SAE1: variants seen among roughly 807,000 people sequenced by gnomAD.
SAE1 encodes the protein SUMO-activating enzyme subunit 1.
In SAE1, 11 loss-of-function variants were observed where a neutral mutation model predicts 40.6. That is an observed-to-expected ratio of 0.27 (90% CI 0.17 to 0.45). The LOEUF (loss-of-function observed/expected upper bound fraction) is 0.45. SAE1 is among the 20% of genes least tolerant of loss of function. The pLI is 1.00. For missense variants in SAE1, 373 were observed against 427.3 expected (o/e 0.87, Z 1.12); for synonymous variants, 155 against 154.3 (o/e 1.00, Z -0.03).
At chr19:47,153,369 GAACA>G (rs1162044043) in intron 4 of SAE1, among the ~76,000 whole-genome samples, 2 of 152,168 alleles carry the variant, frequency 1.3e-5, no homozygotes, top group African/African-American at 2.4e-5. Flanking sequence ...TCCTCTGGTA[GAACA>G]AACAGACCTC....
intron 6 of SAE1, among the ~76,000 whole-genome samples, chr19:47,179,234 G>A (rs1000339981): frequency 1.3e-5 from 2 of 151,112 alleles, no homozygotes; most frequent in East Asian, 1.9e-4. Flanking sequence ...AGCCGGTCGC[G>A]ATGGCTCACG....
chr19:47,163,027 A>G (rs2058368590), intron 5 of SAE1, among the ~76,000 whole-genome samples: 2 of 152,140 alleles, frequency 1.3e-5, no homozygotes, highest in South Asian at 4.1e-4. Flanking sequence ...ATAAGTTCAT[A>G]ATTCCAAATG....
Position 47,130,955 on chromosome 19 carries a change from G to A in SAE1, c.25G>A (p.Gly9Ser), listed in dbSNP as rs2058137501. 1 of 1,550,026 alleles carries A rather than the reference G, an allele frequency of 6.5e-7. No homozygotes were observed. Among genetic ancestry groups the A allele is most frequent in the Non-Finnish European group, 8.7e-7 (1 of 1,146,536 alleles). ...CATGGTGGAGAAGGAGGAGGCTGGCGGCGGCATTAGCGAGGAGGAGGCGGC... is the reference window on the plus strand; with the variant it reads ...CATGGTGGAGAAGGAGGAGGCTGGCAGCGGCATTAGCGAGGAGGAGGCGGC... Reference protein sequence around the residue: MVEKEEAGGGISEEEAAQY... With the variant: MVEKEEAGSGISEEEAAQY... The change falls in exon 1 of 9, where the codon GGC becomes AGC. Residue 9 changes from glycine to serine, a missense_variant. Gly to Ser is a moderately conservative substitution (Grantham distance 56, BLOSUM62 0). Coordinates refer to ENST00000270225, the MANE Select transcript of SAE1 (RefSeq NM_005500.3).
At chr19:47,157,292 T>C (rs1568592376) in intron 5 of SAE1, among the ~76,000 whole-genome samples, 1 of 152,210 alleles carries the variant, frequency 6.6e-6, no homozygotes, top group Non-Finnish European at 1.5e-5. Context: ...CCTTTCTTTC[T>C]TTTTGAGGCC....
chr19:47,203,457 T>C (rs940491969), intron 7 of SAE1, among the ~76,000 whole-genome samples: 3 of 152,358 alleles, frequency 2.0e-5, no homozygotes, highest in South Asian at 4.1e-4. Context: ...AATTTCTGCT[T>C]GCCAAAGTTC....
intron 7 of SAE1, among the ~76,000 whole-genome samples, chr19:47,202,383 G>A (rs1265493005): frequency 6.6e-6 from 1 of 151,844 alleles, no homozygotes; most frequent in East Asian, 2.0e-4. Context: ...TGCCTCCCAG[G>A]TTCAAGCGAT....
chr19:47,150,282 G>A lies in SAE1; in HGVS notation c.291G>A (p.Glu97=). The A allele has an allele frequency of 6.2e-7, 1 of 1,613,850 alleles. No individual in the cohort carries two copies. ...GAAATAGGGCTGAAGCCTCTTTGGA[G>A]CGAGCTCAGAATCTCAACCCCATGG... ...VGRNRAEASL[E]RAQNLNPMVD... is the part of the protein sequence containing the mutation. The change falls in exon 3 of 9, where the codon GAG becomes GAA. Residue 97 remains glutamate (E), a synonymous_variant. Transcript: ENST00000270225.
intron 6 of SAE1, among the ~76,000 whole-genome samples, chr19:47,178,210 T>A (rs1282565887): frequency 6.6e-6 from 1 of 151,094 alleles, no homozygotes; most frequent in Non-Finnish European, 1.5e-5. Flanking sequence ...GCCACTGCAC[T>A]CCAGCCTGAC....
chr19:47,207,182 A>G (rs906804035), intron 8 of SAE1, among the ~76,000 whole-genome samples: 15 of 152,220 alleles, frequency 9.9e-5, no homozygotes, highest in African/African-American at 3.4e-4. Context: ...CGGAGGTTGC[A>G]GTAAGCCGAG....
At chr19:47,150,076 A>C in intron 2 of SAE1, 126 bp from the exon 3 acceptor site, 3 of 307,296 alleles carry the variant, frequency 9.8e-6, no homozygotes, top group Admixed American at 5.9e-5. Flanking sequence ...GACTGTCTCA[A>C]AAAAAAAAAA....
intron 6 of SAE1, among the ~76,000 whole-genome samples, chr19:47,195,145 C>G (rs2058605844): frequency 6.6e-6 from 1 of 151,488 alleles, no homozygotes; most frequent in Non-Finnish European, 1.5e-5. Flanking sequence ...ACCTCTGCCT[C>G]CCGGGTTCAA....
chr19:47,166,522 A>G (rs931181850), intron 5 of SAE1, among the ~76,000 whole-genome samples: 10 of 152,216 alleles, frequency 6.6e-5, no homozygotes, highest in African/African-American at 2.2e-4. Context: ...CTAACAGGCA[A>G]GACCTGCCTG....
chr19:47,139,368 T>C, intron 1 of SAE1, among the ~76,000 whole-genome samples: 1 of 151,932 alleles, frequency 6.6e-6, no homozygotes. Context: ...TTTTGTTTTG[T>C]ACAGATGGAG....
chr19:47,174,452 A>G (rs1400902126), intron 6 of SAE1, among the ~76,000 whole-genome samples: 1 of 151,644 alleles, frequency 6.6e-6, no homozygotes, highest in South Asian at 2.1e-4. Context: ...GCTGGAGTGC[A>G]ATGGTGCGAT....
chr19:47,189,646 G>T (rs753177150), intron 6 of SAE1, among the ~76,000 whole-genome samples: 2 of 152,084 alleles, frequency 1.3e-5, no homozygotes, highest in Non-Finnish European at 2.9e-5. Flanking sequence ...AATTGGGGCC[G>T]AGGTGTCTGG....
At chr19:47,164,272 C>T (rs2058376422) in intron 5 of SAE1, among the ~76,000 whole-genome samples, 1 of 150,934 alleles carries the variant, frequency 6.6e-6, no homozygotes, top group Admixed American at 6.6e-5. Context: ...GGGTTCACGC[C>T]ATTCTCCTGC....
At chr19:47,174,075 C>T (rs962379370) in intron 6 of SAE1, among the ~76,000 whole-genome samples, 5 of 152,042 alleles carry the variant, frequency 3.3e-5, no homozygotes, top group African/African-American at 9.7e-5. Context: ...TGAGCCACTT[C>T]GCCCAGCCTG....
At chr19:47,202,690 G>A (rs1367064589) in intron 7 of SAE1, among the ~76,000 whole-genome samples, 1 of 149,702 alleles carries the variant, frequency 6.7e-6, no homozygotes, top group East Asian at 2.1e-4. Context: ...GAGGCGGGCG[G>A]ATCACGAGGT....
chr19:47,179,304 G>C (rs2058491074), intron 6 of SAE1, among the ~76,000 whole-genome samples: 1 of 151,794 alleles, frequency 6.6e-6, no homozygotes, highest in Non-Finnish European at 1.5e-5. Flanking sequence ...TCAGAAGTTT[G>C]AGACCAGCCT....
Sources: gnomAD v4.1 joint callset for allele counts (sites outside exome capture counted in the v4.1 genomes callset) on GRCh38, gnomAD v4.1.1 for gene constraint, MANE v1.5 for transcripts, NCBI Gene and HGNC (gene_info 2026-07-23, HGNC 2026-07-21) for gene names.